Variants in TOX2 observed in about 807,000 individuals in gnomAD.
TOX2 encodes granulosa cell HMG box 1.
Under a neutral mutation model 47.4 loss-of-function variants are expected in TOX2, and 15 were observed. The ratio of observed to expected loss-of-function variants is 0.32; its 90% CI spans 0.21 to 0.49. The LOEUF is 0.49. Ranked by LOEUF, TOX2 falls within the 20% of genes least tolerant of loss-of-function variation. The pLI is 0.99. For synonymous variants in TOX2, 290 were observed against 296.6 expected (o/e 0.98, Z 0.23); for missense variants, 622 against 673.1 (o/e 0.92, Z 0.84).
At chr20:43,960,807 T>G (rs1388315386) in intron 1 of TOX2, among the ~76,000 whole-genome samples, 1 of 152,248 alleles carries the variant, frequency 6.6e-6, no homozygotes, top group African/African-American at 2.4e-5. Context: ...CAGCATGCCT[T>G]GGTCACCTCC....
intron 2 of TOX2, among the ~76,000 whole-genome samples, chr20:44,002,363 A>C (rs2070598789): frequency 6.6e-6 from 1 of 152,132 alleles, no homozygotes; most frequent in African/African-American, 2.4e-5. Flanking sequence ...GTCCTTGGGG[A>C]AGTCCCCACC....
In TOX2 at chr20:43,934,136, G is replaced by GGAGAGAGAGAGAGAGAGA. The variant is rs56662660; in HGVS notation, c.99+19161_99+19178dup. Among the ~76,000 whole-genome samples, 116 of 122,154 alleles carry GGAGAGAGAGAGAGAGAGA rather than the reference G, an allele frequency of 9.5e-4. 1 individual carries two copies. Among genetic ancestry groups the GGAGAGAGAGAGAGAGAGA allele is most frequent in the African/African-American group, 3.4e-3 (104 of 30,192 alleles). The allele number at this position is 122,154 out of a possible 152,430, so 80.1% of individuals were successfully genotyped here. ...GCTCTTATTTCAGAGCCCAAGGTAA[G>GGAGAGAGAGAGAGAGAGA]GAGAGAGAGAGAGAGAGAGAGAGAG... On this transcript the variant is annotated intron_variant, in intron 1 of 8. Coordinates refer to ENST00000341197, the MANE Select transcript of TOX2 (RefSeq NM_001098797.2).
intron 1 of TOX2, among the ~76,000 whole-genome samples, chr20:43,965,660 C>T (rs774055282): frequency 1.3e-5 from 2 of 152,190 alleles, no homozygotes; most frequent in South Asian, 4.1e-4. Flanking sequence ...TTCCTCAGCA[C>T]GAGATATGTG....
intron 1 of TOX2, among the ~76,000 whole-genome samples, chr20:43,963,265 C>G (rs1482105487): frequency 6.6e-6 from 1 of 152,168 alleles, no homozygotes; most frequent in Non-Finnish European, 1.5e-5. Context: ...CACTACCCCT[C>G]GATGCCTTTT....
At chr20:44,051,256 G>A (rs776725670) in intron 3 of TOX2, 50 bp from the exon 4 acceptor site, 6 of 1,548,174 alleles carry the variant, frequency 3.9e-6, no homozygotes, top group Non-Finnish European at 5.3e-6. Flanking sequence ...ATGTGATGGA[G>A]TGGCAGGACA....
intron 1 of TOX2, among the ~76,000 whole-genome samples, chr20:43,920,199 T>C (rs940998674): frequency 2.0e-5 from 3 of 152,182 alleles, no homozygotes; most frequent in Non-Finnish European, 4.4e-5. Context: ...AATTGCTCAG[T>C]AAATATGTGC....
chr20:44,047,433 A>G (rs1340301861), intron 3 of TOX2, among the ~76,000 whole-genome samples: 2 of 152,252 alleles, frequency 1.3e-5, no homozygotes, highest in Non-Finnish European at 2.9e-5. Context: ...GTCAACATTA[A>G]TAGAGAAGAA....
chr20:44,026,248 T>TATATATATAA, intron 3 of TOX2, among the ~76,000 whole-genome samples: 1 of 67,740 alleles, frequency 1.5e-5, no homozygotes, highest in East Asian at 3.8e-4. Flanking sequence ...TATATATATA[T>TATATATATAA]AGACACACAC....
chr20:44,068,830 T>A lies in TOX2; in HGVS notation c.*144T>A, dbSNP rs958471960. ...ACACCCATTGCCCGGGGGCTGAGTCTCTTCCTCAACCTCCCACCAGACTCT... is the reference window on the plus strand; with the variant it reads ...ACACCCATTGCCCGGGGGCTGAGTCACTTCCTCAACCTCCCACCAGACTCT... On this transcript the variant is annotated 3_prime_UTR_variant, in exon 9 of 9. Coordinates refer to ENST00000341197, the MANE Select transcript of TOX2 (RefSeq NM_001098797.2). 4.4e-6 allele frequency: 5 copies of A among 1,141,294 alleles called. No individual in the cohort carries two copies. Among genetic ancestry groups the A allele is most frequent in the Non-Finnish European group, 6.5e-6 (5 of 773,444 alleles). The allele number at this position is 1,141,294 out of a possible 1,614,324, so 70.7% of individuals were successfully genotyped here.
At chr20:44,043,226 A>G (rs933757152) in intron 3 of TOX2, among the ~76,000 whole-genome samples, 1 of 152,194 alleles carries the variant, frequency 6.6e-6, no homozygotes, top group African/African-American at 2.4e-5. Flanking sequence ...TGTAGGTACC[A>G]GCCATTTCCC....
intron 2 of TOX2, among the ~76,000 whole-genome samples, chr20:44,004,805 A>G (rs994746149): frequency 7.2e-5 from 11 of 152,312 alleles, no homozygotes; most frequent in African/African-American, 2.4e-4. Context: ...AAACAATACA[A>G]TGATGCTAGA....
In TOX2 at chr20:43,927,615, T is replaced by TTC. The variant is rs1569003369; in HGVS notation, c.99+12625_99+12626insTC. Among the ~76,000 whole-genome samples, 48 of 74,928 alleles carry TTC rather than the reference T, an allele frequency of 6.4e-4. No individual in the cohort carries two copies. In the African/African-American group the frequency reaches 6.7e-3, roughly 10 times the overall value. The allele number at this position is 74,928 out of a possible 152,430, so 49.2% of individuals were successfully genotyped here. ...TTCCTTCCTTCCTTCCTTCCTTCCT[T>TTC]CCTTCCTTCCTCCTTCCTTCCTTCC... is the stretch of plus-strand genomic sequence containing the variant. On this transcript the variant is annotated intron_variant, in intron 1 of 8. Transcript: ENST00000341197.
intron 8 of TOX2, 89 bp from the exon 9 acceptor site, chr20:44,068,561 G>A: frequency 2.1e-6 from 3 of 1,449,522 alleles, no homozygotes; most frequent in South Asian, 1.3e-5. Context: ...TCCAGGGGTG[G>A]GGGTGGGGCG....
At chr20:44,063,773 T>C (rs1421915141) in intron 5 of TOX2, among the ~76,000 whole-genome samples, 1 of 92,504 alleles carries the variant, frequency 1.1e-5, no homozygotes, top group Non-Finnish European at 2.3e-5. Context: ...CACACACACA[T>C]ATACATATAT....
intron 1 of TOX2, among the ~76,000 whole-genome samples, chr20:43,962,292 G>T (rs1368388098): frequency 6.6e-6 from 1 of 152,248 alleles, no homozygotes; most frequent in East Asian, 1.9e-4. Flanking sequence ...GCTGCAGCTG[G>T]TGAGTGTACT....
intron 1 of TOX2, among the ~76,000 whole-genome samples, chr20:43,969,743 T>C (rs1306384747): frequency 6.6e-6 from 1 of 152,208 alleles, no homozygotes; most frequent in Non-Finnish European, 1.5e-5. Context: ...TGCCCAAGGG[T>C]AACTGAACTG....
intron 1 of TOX2, among the ~76,000 whole-genome samples, chr20:43,939,210 G>A (rs1255145087): frequency 6.6e-6 from 1 of 152,164 alleles, no homozygotes; most frequent in Non-Finnish European, 1.5e-5. Context: ...AATTCTGTCT[G>A]TGACAATTAC....
At chr20:44,011,933 C>T (rs112418080) in intron 3 of TOX2, among the ~76,000 whole-genome samples, 11 of 152,328 alleles carry the variant, frequency 7.2e-5, no homozygotes, top group African/African-American at 2.6e-4. Context: ...GTATTGGAAT[C>T]GAACCCCTTT....
At chr20:44,014,002 C>T (rs945264868) in intron 3 of TOX2, among the ~76,000 whole-genome samples, 11 of 151,800 alleles carry the variant, frequency 7.2e-5, no homozygotes, top group South Asian at 2.1e-4. Flanking sequence ...TAGTGGCTTG[C>T]GCCTGTGGTC....
Sources: allele counts gnomAD v4.1 joint callset (sites outside exome capture counted in the v4.1 genomes callset), GRCh38; gene constraint gnomAD v4.1.1; transcripts MANE v1.5; gene names NCBI Gene and HGNC (gene_info 2026-07-23, HGNC 2026-07-21).